Variants in SORCS1 observed in about 807,000 individuals in gnomAD.
SORCS1 encodes sortilin related VPS10 domain containing receptor 1.
In SORCS1, 60 loss-of-function variants were observed where a neutral mutation model predicts 146.1. The ratio of observed to expected loss-of-function variants is 0.41; its 90% CI spans 0.33 to 0.51. SORCS1 has a LOEUF of 0.51. Ranked by LOEUF, SORCS1 falls within the 20% of genes least tolerant of loss-of-function variation. The pLI, the probability that SORCS1 is intolerant of heterozygous loss-of-function variation, is 0.21. For synonymous variants in SORCS1, 637 were observed against 584.0 expected, an observed-to-expected ratio of 1.09 and a Z score of -1.31; for missense variants, 1,352 against 1,487.6, an observed-to-expected ratio of 0.91 and a Z score of 1.50.
chr10:107,074,310 A>T (rs1303800556), intron 1 of SORCS1, among the ~76,000 whole-genome samples: 1 of 151,956 alleles, frequency 6.6e-6, no homozygotes, highest in Non-Finnish European at 1.5e-5. Flanking sequence ...GCCTTTTCAG[A>T]TTGGCTTTTT....
chr10:107,102,538 CTA>C lies in SORCS1; in HGVS notation c.558+61429_558+61430del, dbSNP rs1393706513. 2.0e-5 allele frequency among the ~76,000 whole-genome samples: 3 copies of C among 152,296 alleles called. No individual in the cohort carries two copies. In the East Asian group the frequency reaches 5.8e-4, roughly 29 times the overall value. On this transcript the variant is annotated intron_variant, in intron 1 of 25. Transcript: ENST00000263054. ...TTGGAGTTACATATAAAAAGGGAAT[CTA>C]ACTATGATTTGTTAAAGGTGCTTTA...
At chr10:106,941,446 G>A (rs1188912509) in intron 2 of SORCS1, among the ~76,000 whole-genome samples, 1 of 152,172 alleles carries the variant, frequency 6.6e-6, no homozygotes, top group Non-Finnish European at 1.5e-5. Context: ...AATGGACAGA[G>A]CCTGGATTCC....
chr10:107,163,773 G>A (rs1044745976), intron 1 of SORCS1, among the ~76,000 whole-genome samples, 196 bp downstream of exon 1: 6 of 152,146 alleles, frequency 3.9e-5, no homozygotes, highest in Non-Finnish European at 8.8e-5. Flanking sequence ...GGACTCTGAT[G>A]GTGTTGGTGG....
chr10:106,717,731 C>G (rs879621847), intron 6 of SORCS1, among the ~76,000 whole-genome samples: 1 of 152,134 alleles, frequency 6.6e-6, no homozygotes, highest in South Asian at 2.1e-4. Context: ...TGCCAAAAAC[C>G]GCAATTACCT....
intron 21 of SORCS1, among the ~76,000 whole-genome samples, chr10:106,613,173 G>C (rs1187301169): frequency 2.0e-5 from 3 of 152,060 alleles, no homozygotes; most frequent in African/African-American, 7.2e-5. Flanking sequence ...GGAATTTTAT[G>C]TTATTCAGGG....
At chr10:106,634,425 T>C (rs1848614900) in intron 18 of SORCS1, among the ~76,000 whole-genome samples, 1 of 152,240 alleles carries the variant, frequency 6.6e-6, no homozygotes, top group Admixed American at 6.5e-5. Context: ...ATGTTATTTA[T>C]GTTTGATATA....
intron 3 of SORCS1, among the ~76,000 whole-genome samples, chr10:106,825,231 T>C (rs1426009880): frequency 6.6e-6 from 1 of 150,552 alleles, no homozygotes; most frequent in African/African-American, 2.4e-5. Flanking sequence ...AGAATACACA[T>C]CAACTCAGAG....
chr10:107,049,973 C>T (rs752373936), intron 1 of SORCS1, among the ~76,000 whole-genome samples: 1 of 152,062 alleles, frequency 6.6e-6, no homozygotes, highest in Non-Finnish European at 1.5e-5. Flanking sequence ...CGCTTCAAGC[C>T]CATTTAATGA....
chr10:106,580,929 C>G (rs569398231), intron 24 of SORCS1, among the ~76,000 whole-genome samples: 16 of 152,244 alleles, frequency 1.1e-4, no homozygotes, highest in African/African-American at 3.9e-4. Flanking sequence ...CCGCTATTTT[C>G]TCTCCCCTGT....
intron 1 of SORCS1, among the ~76,000 whole-genome samples, chr10:106,984,073 A>G (rs1390760780): frequency 1.3e-5 from 2 of 152,234 alleles, no homozygotes; most frequent in African/African-American, 4.8e-5. Flanking sequence ...GGAAGTTAAC[A>G]ATACACGTTA....
At chr10:106,584,946 G>A (rs763707942) in intron 24 of SORCS1, among the ~76,000 whole-genome samples, 2 of 152,096 alleles carry the variant, frequency 1.3e-5, no homozygotes, top group Non-Finnish European at 2.9e-5. Context: ...GATGATTCCT[G>A]GCTACTATGT....
rs190360011 is a variant in SORCS1 at position 106,939,132 on chromosome 10, T to C, written c.626+17381A>G. On this transcript the variant is annotated intron_variant, in intron 2 of 25. Transcript: ENST00000263054. ...AATAATCTAGGAAACTGACAGATAATGGCAAAATTAGAAAGAAAACTGACA... is the reference window on the plus strand; with the variant it reads ...AATAATCTAGGAAACTGACAGATAACGGCAAAATTAGAAAGAAAACTGACA... Among the ~76,000 whole-genome samples the C allele has an allele frequency of 1.8e-3, 269 of 152,292 alleles. 3 individuals carry two copies. Among genetic ancestry groups the C allele is most frequent in the Admixed American group, 3.9e-3 (60 of 15,294 alleles).
chr10:106,756,042 T>C (rs374085794), intron 5 of SORCS1, among the ~76,000 whole-genome samples: 22 of 151,794 alleles, frequency 1.4e-4, no homozygotes, highest in African/African-American at 5.1e-4. Flanking sequence ...GGCAGGAGAA[T>C]CTCTTGAACC....
rs573595598 is a variant in SORCS1, at chr10:107,159,424, G to C, written c.558+4545C>G. Among the ~76,000 whole-genome samples, 6 of 152,272 alleles carry C rather than the reference G, an allele frequency of 3.9e-5. No individual in the cohort carries two copies. The South Asian group carries it at 1.2e-3, about 32-fold the overall frequency. ...CAACATTTCAACATGCTATGACTAC[G>C]TATCTAATTTTTGTATACAGCCAGT... On this transcript the variant is annotated intron_variant, in intron 1 of 25. Transcript: ENST00000263054.
chr10:106,916,468 T>C (rs1952430583), intron 2 of SORCS1, among the ~76,000 whole-genome samples: 1 of 147,970 alleles, frequency 6.8e-6, no homozygotes, highest in South Asian at 2.1e-4. Context: ...ATTATGTATA[T>C]ATGTATTATG....
intron 2 of SORCS1, among the ~76,000 whole-genome samples, chr10:106,952,754 T>C (rs1954752560): frequency 1.3e-5 from 2 of 151,114 alleles, no homozygotes; most frequent in Non-Finnish European, 2.9e-5. Context: ...GGTGGGAGGG[T>C]TACTTGAACC....
chr10:106,680,507 C>G (rs1436963427), intron 10 of SORCS1, among the ~76,000 whole-genome samples: 3 of 152,166 alleles, frequency 2.0e-5, no homozygotes, highest in African/African-American at 7.2e-5. Context: ...CAGAAATATT[C>G]AATATAAAAG....
At chr10:106,608,297 G>C (rs896981990) in intron 22 of SORCS1, among the ~76,000 whole-genome samples, 4 of 152,148 alleles carry the variant, frequency 2.6e-5, no homozygotes, top group Non-Finnish European at 5.9e-5. Flanking sequence ...CAATATTTCA[G>C]CTTTTTCCTG....
chr10:107,173,650 A>T, the SORCS1 span, among the ~76,000 whole-genome samples: 1 of 151,952 alleles, frequency 6.6e-6, no homozygotes, highest in Non-Finnish European at 1.5e-5. Context: ...TGTTTGTGAA[A>T]TTTTTTCTAG....
Sources: allele counts gnomAD v4.1 joint callset (sites outside exome capture counted in the v4.1 genomes callset), GRCh38; gene constraint gnomAD v4.1.1; transcripts MANE v1.5; gene names NCBI Gene and HGNC (gene_info 2026-07-23, HGNC 2026-07-21).